FAM131B: variants seen among roughly 807,000 people sequenced by gnomAD.
The protein encoded by FAM131B is protein FAM131B.
Under a neutral mutation model 42.0 loss-of-function variants are expected in FAM131B, and 19 were observed. That is an observed-to-expected ratio of 0.45 (90% CI 0.32 to 0.66). The LOEUF (loss-of-function observed/expected upper bound fraction) is 0.66. Among genes scored for constraint, FAM131B ranks in the 30% least tolerant of loss-of-function variants. The pLI, the probability that FAM131B is intolerant of heterozygous loss-of-function variation, is 0.05. For synonymous variants in FAM131B, 183 were observed against 177.6 expected (o/e 1.03, Z -0.24); for missense variants, 370 against 468.4 (o/e 0.79, Z 1.94).
the FAM131B span, among the ~76,000 whole-genome samples, chr7:143,379,178 A>C: frequency 6.6e-6 from 1 of 152,096 alleles, no homozygotes; most frequent in African/African-American, 2.4e-5. Context: ...TTTTATTCCT[A>C]TGAGTTATCT....
the FAM131B span, chr7:143,380,403 A>T: frequency 1.4e-5 from 14 of 985,014 alleles, no homozygotes; most frequent in Non-Finnish European, 1.6e-5. This position sits in a 1 kb window ranked among gnomAD's most constrained non-coding sequence, Gnocchi z 5.0. Flanking sequence ...CACCAAGCGC[A>T]GTCTCAGAAT....
chr7:143,381,992 C>T, the FAM131B span: 3 of 617,826 alleles, frequency 4.9e-6, no homozygotes, highest in Middle Eastern at 8.7e-4. Flanking sequence ...GAGTGGGAGT[C>T]GGGAATGTGG....
chr7:143,361,203 G>T, intron 1 of FAM131B: 1 of 152,808 alleles, frequency 6.5e-6, no homozygotes. Flanking sequence ...GTGGTGAACC[G>T]GACTGAGGAG....
chr7:143,356,613 C>T lies in FAM131B; in HGVS notation c.1020G>A (p.Val340=), dbSNP rs139926599. The T allele has an allele frequency of 2.5e-6, 4 of 1,614,050 alleles. No homozygotes were observed. The highest frequency in any genetic ancestry group is 1.3e-5 in the African/African-American group (1 of 75,002). Residue 340 remains valine, a synonymous_variant, in exon 7 of 7, where the codon GTG becomes GTA. Coordinates refer to ENST00000443739, the MANE Select transcript of FAM131B (RefSeq NM_001031690.3). The surrounding 1 kb of genome is among the most constrained non-coding windows in gnomAD (Gnocchi z 4.4). The part of the protein sequence containing the change: ...PEMSTALSRK[V]SDVTSSGVQS... The stretch of plus-strand genomic sequence containing the variant: ...GCACACCTGAGGATGTGACGTCAGA[C>T]ACCTTCCGGCTGAGAGCGGTAGACA...
chr7:143,380,524 C>T, the FAM131B span: 2 of 985,404 alleles, frequency 2.0e-6, no homozygotes, highest in African/African-American at 3.5e-5. This position sits in a 1 kb window ranked among gnomAD's most constrained non-coding sequence, Gnocchi z 5.0. Context: ...TCCCGGGTCT[C>T]CAGTCCGCAG....
the FAM131B span, chr7:143,380,743 G>T: frequency 7.5e-5 from 74 of 985,330 alleles, no homozygotes; most frequent in Non-Finnish European, 8.6e-5. The surrounding 1 kb of genome is among the most constrained non-coding windows in gnomAD (Gnocchi z 5.0). Context: ...GTCAGCTGGG[G>T]GGTGCTGGGA....
rs1184097482 is a variant in FAM131B, at chr7:143,362,033, G to C, written c.28+543C>G. On this transcript the variant is annotated intron_variant, in intron 1 of 6. Coordinates refer to ENST00000443739, the MANE Select transcript of FAM131B (RefSeq NM_001031690.3). The surrounding 1 kb of genome is among the most constrained non-coding windows in gnomAD (Gnocchi z 7.7). ...AAACGCACGTGAACAAAGCGAATCG[G>C]AGGAGGCAGGAACGACAGTAAAAGG... The C allele has an allele frequency of 1.4e-5, 14 of 984,622 alleles. No individual in the cohort carries two copies. The highest frequency in any genetic ancestry group is 1.7e-5 in the African/African-American group (1 of 57,230). 61.0% of individuals were successfully genotyped at this position (984,622 alleles called of 1,614,324 possible). A position where few individuals can be genotyped will look rare whatever the true frequency, so the allele number is the denominator to read the frequency against.
At chr7:143,370,612 C>T in the FAM131B span, among the ~76,000 whole-genome samples, 2 of 152,146 alleles carry the variant, frequency 1.3e-5, no homozygotes, top group East Asian at 3.8e-4. Context: ...TACCCTCCCA[C>T]CAGCGCCAAC....
chr7:143,369,674 C>CAA, the FAM131B span, among the ~76,000 whole-genome samples: 67,552 of 134,724 alleles, frequency 0.5, 17,379 homozygotes, highest in Middle Eastern at 0.59. Context: ...GAATCCGTCT[C>CAA]AAAAAAAAAA....
chr7:143,371,613 CAAAAAAAAAAAAAA>C, the FAM131B span, among the ~76,000 whole-genome samples: 1 of 75,024 alleles, frequency 1.3e-5, no homozygotes, highest in South Asian at 4.8e-4. Flanking sequence ...GACCCTGTCT[CAAAAAAAAAAAAAA>C]AAAAAAAAAG....
chr7:143,362,106 A>G lies in FAM131B; in HGVS notation c.28+470T>C, dbSNP rs1351680401. Reference sequence around the variant, plus strand: ...GGGGCAAAGCACCCGAGCCAGATGGAGGCGGCGGCGGGGGGTGGCGTGGGG... The same window carrying G: ...GGGGCAAAGCACCCGAGCCAGATGGGGGCGGCGGCGGGGGGTGGCGTGGGG... On this transcript the variant is annotated intron_variant, in intron 1 of 6. Coordinates refer to ENST00000443739, the MANE Select transcript of FAM131B (RefSeq NM_001031690.3). The surrounding 1 kb of genome is among the most constrained non-coding windows in gnomAD (Gnocchi z 7.7). 2.1e-6 allele frequency: 2 copies of G among 930,616 alleles called. No homozygotes were observed. Among genetic ancestry groups the G allele is most frequent in the Non-Finnish European group, 2.6e-6 (2 of 779,664 alleles). 57.6% of individuals were successfully genotyped at this position (930,616 alleles called of 1,614,324 possible).
chr7:143,359,365 C>T lies in FAM131B; in HGVS notation c.229G>A (p.Ala77Thr), dbSNP rs201357809. 133 of 1,613,752 alleles carry T rather than the reference C, an allele frequency of 8.2e-5. No homozygotes were observed. In the East Asian group the frequency reaches 2.8e-3, roughly 34 times the overall value. Residue 77 changes from alanine (A) to threonine (T), a missense_variant, in exon 4 of 7, where the codon GCC (alanine) becomes ACC (threonine). Transcript: ENST00000443739. The surrounding 1 kb of genome is among the most constrained non-coding windows in gnomAD (Gnocchi z 5.4). ...ILPKLKRNSN[A>T]YGIGALAKSS... ...TTGGCCAGGGCCCCAATGCCATAGG[C>T]GTTAGAGTTTCGCTTAAGCTTCGGA...
At chr7:143,374,662 C>A in the FAM131B span, among the ~76,000 whole-genome samples, 1 of 152,222 alleles carries the variant, frequency 6.6e-6, no homozygotes, top group African/African-American at 2.4e-5. Flanking sequence ...AGCCTTTCCT[C>A]ACCCTGTACC....
At chr7:143,380,745 G>A in the FAM131B span, 1 of 985,324 alleles carries the variant, frequency 1.0e-6, no homozygotes, top group Admixed American at 6.1e-5. The surrounding 1 kb of genome is among the most constrained non-coding windows in gnomAD (Gnocchi z 5.0). Context: ...CAGCTGGGGG[G>A]TGCTGGGAGG....
Position 143,354,832 on chromosome 7 carries a change from A to G in FAM131B, c.*1718T>C, listed in dbSNP as rs547097254. 27 of 152,412 alleles carry G rather than the reference A, an allele frequency of 1.8e-4. No individual in the cohort carries two copies. The highest frequency in any genetic ancestry group is 5.3e-4 in the African/African-American group (22 of 41,562). 9.4% of individuals were successfully genotyped at this position (152,412 alleles called of 1,614,324 possible). On this transcript the variant is annotated 3_prime_UTR_variant, in exon 7 of 7. Transcript: ENST00000443739. The stretch of plus-strand genomic sequence containing the variant: ...CTTGCATCCCAGAAGTGTGAGTAAG[A>G]GAGTATGAACTTGATGGCGGGACAG...
At chr7:143,370,976 C>A in the FAM131B span, among the ~76,000 whole-genome samples, 1 of 152,038 alleles carries the variant, frequency 6.6e-6, no homozygotes, top group Non-Finnish European at 1.5e-5. Flanking sequence ...CATTTCATAC[C>A]CTCGTGAGGG....
chr7:143,380,077 G>A, the FAM131B span: 20 of 985,296 alleles, frequency 2.0e-5, 1 homozygote, highest in Admixed American at 6.2e-5. The surrounding 1 kb of genome is among the most constrained non-coding windows in gnomAD (Gnocchi z 5.0). Context: ...CACTCAGTGT[G>A]AACAAGACGA....
chr7:143,380,254 T>C, the FAM131B span: 2 of 932,814 alleles, frequency 2.1e-6, no homozygotes, highest in African/African-American at 3.6e-5. This position sits in a 1 kb window ranked among gnomAD's most constrained non-coding sequence, Gnocchi z 5.0. Flanking sequence ...AAAAAAGAAC[T>C]AGAAGAATTA....
intron 1 of FAM131B, chr7:143,361,934 T>G: frequency 2.9e-6 from 1 of 349,772 alleles, no homozygotes; most frequent in Non-Finnish European, 3.9e-6. Context: ...CCCCAGCCCC[T>G]TCCCTCCACC....
Sources: gnomAD v4.1 joint callset for allele counts (sites outside exome capture counted in the v4.1 genomes callset) on GRCh38, gnomAD v4.1.1 for gene constraint, Gnocchi (gnomAD v3.1) non-coding constraint, MANE v1.5 for transcripts, NCBI Gene and HGNC (gene_info 2026-07-23, HGNC 2026-07-21) for gene names.